The following JMJD1C variants were observed in gnomAD, a reference collection of about 807,000 sequenced individuals.
JMJD1C encodes the protein jumonji domain containing 1C.
JMJD1C carries 31 observed loss-of-function variants against 245.3 expected under a neutral mutation model. The observed-to-expected ratio is 0.13, with a 90% CI of 0.09 to 0.17. The LOEUF is 0.17. Among genes scored for constraint, JMJD1C ranks in the 10% least tolerant of loss-of-function variants. The pLI, the probability that JMJD1C is intolerant of heterozygous loss-of-function variation, is 1.00. For missense variants in JMJD1C, 2,691 were observed against 3,000.2 expected, an observed-to-expected ratio of 0.90 and a Z score of 2.41; for synonymous variants, 1,057 against 1,017.4, an observed-to-expected ratio of 1.04 and a Z score of -0.74.
intron 1 of JMJD1C, chr10:63,382,809 G>A: frequency 2.2e-6 from 1 of 456,016 alleles, no homozygotes; most frequent in Non-Finnish European, 4.4e-6. Context: ...CACCTGAAGA[G>A]TTTCCATTTC....
At chr10:63,281,621 C>A (rs1857414608) in intron 2 of JMJD1C, among the ~76,000 whole-genome samples, 1 of 151,336 alleles carries the variant, frequency 6.6e-6, no homozygotes, top group Non-Finnish European at 1.5e-5. Flanking sequence ...TAGGTGCATG[C>A]CACCACACTT....
At chr10:63,335,605 G>C (rs1003168920) in intron 2 of JMJD1C, among the ~76,000 whole-genome samples, 27 of 152,048 alleles carry the variant, frequency 1.8e-4, no homozygotes. Flanking sequence ...TCCGCCTCCA[G>C]GGTTCAAGCC....
chr10:63,278,658 G>A (rs1857067936), intron 2 of JMJD1C, among the ~76,000 whole-genome samples: 1 of 151,746 alleles, frequency 6.6e-6, no homozygotes, highest in African/African-American at 2.4e-5. Context: ...TGACCAACAT[G>A]GAGAAATCCT....
At chr10:63,354,159 T>C (rs1944603054) in intron 2 of JMJD1C, among the ~76,000 whole-genome samples, 1 of 152,198 alleles carries the variant, frequency 6.6e-6, no homozygotes, top group Non-Finnish European at 1.5e-5. Flanking sequence ...ATTTGTATAG[T>C]AATCCAGCAT....
At chr10:63,292,150 T>TTTTTTTTTTTTTTTTTTC (rs1858849517) in intron 2 of JMJD1C, among the ~76,000 whole-genome samples, 1 of 136,846 alleles carries the variant, frequency 7.3e-6, no homozygotes, top group African/African-American at 2.8e-5. Flanking sequence ...ACAGATTTTT[T>TTTTTTTTTTTTTTTTTTC]TTTTTTTTTT....
intron 3 of JMJD1C, among the ~76,000 whole-genome samples, chr10:63,255,328 T>C (rs1412793413): frequency 1.3e-5 from 2 of 152,316 alleles, no homozygotes; most frequent in African/African-American, 4.8e-5. Flanking sequence ...GTAGAAAACA[T>C]AAATATTAGA....
At chr10:63,464,392 C>T (rs1953032612) in intron 1 of JMJD1C, among the ~76,000 whole-genome samples, 2 of 151,898 alleles carry the variant, frequency 1.3e-5, no homozygotes, top group Admixed American at 6.6e-5. Flanking sequence ...GATACCTGTA[C>T]AAATATTACA....
intron 2 of JMJD1C, among the ~76,000 whole-genome samples, chr10:63,349,742 T>G (rs35632171): frequency 0.028 from 4,239 of 152,238 alleles, 78 homozygotes; most frequent in Non-Finnish European, 0.046. Flanking sequence ...AATAAAAGAA[T>G]GGACATGTAA....
intron 2 of JMJD1C, among the ~76,000 whole-genome samples, chr10:63,316,353 T>C (rs866615042): frequency 6.6e-6 from 1 of 152,256 alleles, no homozygotes. Flanking sequence ...TACTTGTCAC[T>C]GCTTTTGAGG....
At chr10:63,294,420 G>A (rs1564746082) in intron 2 of JMJD1C, among the ~76,000 whole-genome samples, 1 of 151,906 alleles carries the variant, frequency 6.6e-6, no homozygotes, top group East Asian at 1.9e-4. Flanking sequence ...TGAGTAGCTG[G>A]GACTACAGGT....
chr10:63,451,404 T>C (rs939194278), intron 1 of JMJD1C, among the ~76,000 whole-genome samples: 1 of 152,184 alleles, frequency 6.6e-6, no homozygotes, highest in Non-Finnish European at 1.5e-5. Context: ...TCAAAAACGC[T>C]GCAGGACTGG....
chr10:63,273,495 A>G (rs1336048353), intron 2 of JMJD1C, among the ~76,000 whole-genome samples: 1 of 152,252 alleles, frequency 6.6e-6, no homozygotes, highest in Admixed American at 6.5e-5. Context: ...CTTTTACTTC[A>G]AGTCTCCTTA....
chr10:63,519,007 C>G (rs1443065666), intron 1 of JMJD1C, among the ~76,000 whole-genome samples: 2 of 152,144 alleles, frequency 1.3e-5, no homozygotes, highest in Non-Finnish European at 2.9e-5. Context: ...TTCCATGGTA[C>G]CAAAAGGGAA....
chr10:63,427,940 G>C (rs756665140), intron 1 of JMJD1C: 6 of 709,130 alleles, frequency 8.5e-6, no homozygotes, highest in African/African-American at 1.8e-5. Context: ...AGCAGCAGCA[G>C]CAGTTTGTGT....
intron 1 of JMJD1C, among the ~76,000 whole-genome samples, chr10:63,464,009 G>T (rs1589797656): frequency 6.6e-6 from 1 of 151,646 alleles, no homozygotes; most frequent in African/African-American, 2.4e-5. Flanking sequence ...TTACAGATGA[G>T]GGGGTCTCAC....
chr10:63,346,913 A>G (rs1350803789), intron 2 of JMJD1C, among the ~76,000 whole-genome samples: 1 of 152,078 alleles, frequency 6.6e-6, no homozygotes, highest in African/African-American at 2.4e-5. Flanking sequence ...CAGTTTTGGG[A>G]AAAAGTGAAA....
intron 2 of JMJD1C, chr10:63,359,235 G>A (rs1273000095): frequency 6.6e-6 from 1 of 152,080 alleles, no homozygotes; most frequent in Non-Finnish European, 1.5e-5. Flanking sequence ...AACTGGCCTG[G>A]GCCATATTCA....
chr10:63,445,862 ATTTTTTTT>A (rs56316223), intron 1 of JMJD1C, among the ~76,000 whole-genome samples: 4 of 75,770 alleles, frequency 5.3e-5, no homozygotes, highest in African/African-American at 1.9e-4. Context: ...TGGGATCTGA[ATTTTTTTT>A]TTTTTTTTTT....
chr10:63,259,114 C>T (rs1854358811), intron 3 of JMJD1C, among the ~76,000 whole-genome samples: 1 of 152,178 alleles, frequency 6.6e-6, no homozygotes, highest in Non-Finnish European at 1.5e-5. Flanking sequence ...ATACAAAGCA[C>T]TGTAACAGGA....
Sources: allele counts gnomAD v4.1 joint callset (sites outside exome capture counted in the v4.1 genomes callset), GRCh38; gene constraint gnomAD v4.1.1; transcripts MANE v1.5; gene names NCBI Gene and HGNC (gene_info 2026-07-23, HGNC 2026-07-21).